CPLX1: variants seen among roughly 807,000 people sequenced by gnomAD.
CPLX1 encodes the protein complexin 1, also known as complexin-1.
CPLX1 carries 6 observed loss-of-function variants against 15.6 expected under a neutral mutation model. That is an observed-to-expected ratio of 0.39 (90% CI 0.21 to 0.76). The LOEUF (loss-of-function observed/expected upper bound fraction) is 0.76, where lower values mean the gene tolerates loss of function less well. CPLX1 is among the 30% of genes least tolerant of loss of function. The probability of loss-of-function intolerance (pLI) is 0.43; values close to 1 mark genes in which losing one functional copy is unlikely to be tolerated. For synonymous variants in CPLX1, 91 were observed against 75.2 expected, an observed-to-expected ratio of 1.21 and a Z score of -1.08; for missense variants, 242 against 188.6, an observed-to-expected ratio of 1.28 and a Z score of -1.66.
Position 786,566 on chromosome 4 carries a change from C to G in CPLX1, c.340G>C (p.Glu114Gln), listed in dbSNP as rs200267276. ...TTGATGACGGTGTCCAGGATGCTCT[C>G]GTCCTCCTCCTCCACCTCGTCCCCG... ...GCGDEVEEED[E>Q]SILDTVIKYL... Residue 114 changes from glutamate to glutamine, a missense_variant, in exon 4 of 4, where the codon GAG (glutamate) becomes CAG (glutamine). By Grantham distance (29) the Glu-to-Gln change is conservative. Coordinates refer to ENST00000304062, the MANE Select transcript of CPLX1 (RefSeq NM_006651.4). 2.5e-6 allele frequency: 4 copies of G among 1,609,798 alleles called. No individual in the cohort carries two copies. In the African/African-American group the frequency reaches 5.3e-5, roughly 21 times the overall value.
intron 2 of CPLX1, among the ~76,000 whole-genome samples, chr4:815,402 C>T (rs1356833997): frequency 3.2e-5 from 4 of 126,942 alleles, no homozygotes; most frequent in Non-Finnish European, 4.9e-5. Flanking sequence ...CAGAGCAAGA[C>T]TCCGTCTCAA....
chr4:787,907 G>A lies in CPLX1; in HGVS notation c.208-1209C>T, dbSNP rs1275522993. 5 of 985,290 alleles carry A rather than the reference G, an allele frequency of 5.1e-6. No homozygotes were observed. In the East Asian group the frequency reaches 3.4e-4, roughly 67 times the overall value. 61.0% of individuals were successfully genotyped at this position (985,290 alleles called of 1,614,324 possible). A position where few individuals can be genotyped will look rare whatever the true frequency, so the allele number is the denominator to read the frequency against. ...GTTGGGCTGGCCTGGAAGGATTGGG[G>A]GCCTGGTGTTGTACGGAGCTGGACT... is the stretch of plus-strand genomic sequence containing the variant. On this transcript the variant is annotated intron_variant, in intron 3 of 3. Coordinates refer to ENST00000304062, the MANE Select transcript of CPLX1 (RefSeq NM_006651.4).
At chr4:809,960 G>A (rs989840535) in intron 2 of CPLX1, among the ~76,000 whole-genome samples, 17 of 152,104 alleles carry the variant, frequency 1.1e-4, no homozygotes, top group South Asian at 2.1e-4. Flanking sequence ...AGGACCCCAC[G>A]GTGTGGATGC....
intron 2 of CPLX1, among the ~76,000 whole-genome samples, chr4:811,040 C>T (rs1180505560): frequency 2.6e-5 from 4 of 152,020 alleles, no homozygotes; most frequent in East Asian, 1.9e-4. Flanking sequence ...TGCTCTGTCA[C>T]CCAGGCTGGA....
chr4:824,591 G>T lies in CPLX1; in HGVS notation c.-69C>A, dbSNP rs889814143. On this transcript the variant is annotated 5_prime_UTR_variant, in exon 2 of 4. Coordinates refer to ENST00000304062, the MANE Select transcript of CPLX1 (RefSeq NM_006651.4). ...CTCACACGCAAGTATGGCCGGGAGCGAGTGTTCTTCCTGGGGGAGAGTGAA... is the reference window on the plus strand; with the variant it reads ...CTCACACGCAAGTATGGCCGGGAGCTAGTGTTCTTCCTGGGGGAGAGTGAA... 1 of 1,550,314 alleles carries T rather than the reference G, an allele frequency of 6.5e-7. No individual in the cohort carries two copies. The highest frequency in any genetic ancestry group is 1.4e-5 in the African/African-American group (1 of 73,870).
rs142833913 is a variant in CPLX1 at position 816,320 on chromosome 4, G to A, written c.31+8172C>T. 3.9e-3 allele frequency among the ~76,000 whole-genome samples: 579 copies of A among 148,802 alleles called. 5 individuals carry two copies. The highest frequency in any genetic ancestry group is 0.014 in the African/African-American group (557 of 40,292). On this transcript the variant is annotated intron_variant, in intron 2 of 3. Transcript: ENST00000304062. Reference sequence around the variant, plus strand: ...TGCAACTTCCGCCTCCCGGGTTCAAGCAATTCTCCTGCCTCAGTCTCCAGA... The same window carrying A: ...TGCAACTTCCGCCTCCCGGGTTCAAACAATTCTCCTGCCTCAGTCTCCAGA...
intron 3 of CPLX1, among the ~76,000 whole-genome samples, 185 bp downstream of exon 3, chr4:792,248 C>G (rs1746199300): frequency 6.6e-6 from 1 of 152,174 alleles, no homozygotes; most frequent in Non-Finnish European, 1.5e-5. Context: ...GGCTGGGCCC[C>G]ACAGAGGGAG....
At chr4:792,334 C>T in intron 3 of CPLX1, 99 bp downstream of exon 3, 2 of 1,197,334 alleles carry the variant, frequency 1.7e-6, no homozygotes, top group Non-Finnish European at 2.2e-6. Flanking sequence ...AGGGGGACGC[C>T]CGCCCCTCTT....
At chr4:814,749 C>T (rs985846901) in intron 2 of CPLX1, among the ~76,000 whole-genome samples, 2 of 152,248 alleles carry the variant, frequency 1.3e-5, no homozygotes, top group South Asian at 2.1e-4. Flanking sequence ...GAGTGATGGC[C>T]AGGCAGGCAG....
rs1392721848 is a variant in CPLX1, at chr4:786,327, T to G, written c.*174A>C. On this transcript the variant is annotated 3_prime_UTR_variant, in exon 4 of 4. Coordinates refer to ENST00000304062, the MANE Select transcript of CPLX1 (RefSeq NM_006651.4). ...AGCACGGGGCGGACTGGGGGGGTCC[T>G]GGGGGCGCGCGCCCCTTGCCGGGTG... 3.6e-6 allele frequency: 2 copies of G among 558,076 alleles called. No homozygotes were observed. The highest frequency in any genetic ancestry group is 2.0e-5 in the African/African-American group (1 of 49,284). The allele number at this position is 558,076 out of a possible 1,614,324, so 34.6% of individuals were successfully genotyped here.
At chr4:821,955 G>T (rs1272264445) in intron 2 of CPLX1, among the ~76,000 whole-genome samples, 1 of 152,176 alleles carries the variant, frequency 6.6e-6, no homozygotes, top group East Asian at 1.9e-4. Context: ...CCCTGGGCAG[G>T]TCCTCACCTC....
intron 2 of CPLX1, among the ~76,000 whole-genome samples, chr4:818,936 G>T (rs1204938673): frequency 6.6e-6 from 1 of 152,246 alleles, no homozygotes; most frequent in African/African-American, 2.4e-5. Flanking sequence ...GGGCTGCCAG[G>T]CACTCAGTGT....
At chr4:822,692 C>T (rs919562665) in intron 2 of CPLX1, among the ~76,000 whole-genome samples, 2 of 152,148 alleles carry the variant, frequency 1.3e-5, no homozygotes, top group Admixed American at 1.3e-4. Context: ...CAAGCTCTGT[C>T]GTGCTGTCTG....
At chr4:825,535 C>T (rs146623665) in intron 1 of CPLX1, among the ~76,000 whole-genome samples, 5,858 of 152,028 alleles carry the variant, frequency 0.039, 174 homozygotes, top group Middle Eastern at 0.065. Flanking sequence ...GCTCCGGCCC[C>T]GCCGCACCCG....
intron 2 of CPLX1, among the ~76,000 whole-genome samples, chr4:815,608 G>A (rs1159632390): frequency 6.6e-6 from 1 of 152,144 alleles, no homozygotes; most frequent in Non-Finnish European, 1.5e-5. Context: ...GACCCCGTGT[G>A]GCACTTACTC....
intron 3 of CPLX1, 136 bp downstream of exon 3, chr4:792,297 C>T: frequency 1.3e-6 from 1 of 742,610 alleles, no homozygotes; most frequent in Non-Finnish European, 2.0e-6. Context: ...CTCCGCCACT[C>T]TGAAGCCCCC....
intron 2 of CPLX1, among the ~76,000 whole-genome samples, chr4:797,099 AT>A (rs1261243369): frequency 6.6e-6 from 1 of 152,242 alleles, no homozygotes; most frequent in Non-Finnish European, 1.5e-5. Flanking sequence ...ACACATTCTT[AT>A]TGATTGTAGA....
At chr4:814,088 G>A (rs993323403) in intron 2 of CPLX1, among the ~76,000 whole-genome samples, 1 of 152,176 alleles carries the variant, frequency 6.6e-6, no homozygotes, top group Non-Finnish European at 1.5e-5. Context: ...CCTCTCTCCC[G>A]TCCAGCAGGT....
intron 2 of CPLX1, among the ~76,000 whole-genome samples, chr4:819,190 G>C (rs547266357): frequency 2.6e-5 from 4 of 152,250 alleles, no homozygotes; most frequent in Non-Finnish European, 5.9e-5. Context: ...ACCCCAACTG[G>C]AACGTCTTGC....
Sources: gnomAD v4.1 joint callset for allele counts (sites outside exome capture counted in the v4.1 genomes callset) on GRCh38, gnomAD v4.1.1 for gene constraint, MANE v1.5 for transcripts, NCBI Gene and HGNC (gene_info 2026-07-23, HGNC 2026-07-21) for gene names.